BCAT1: variants seen among roughly 807,000 people sequenced by gnomAD.
BCAT1 encodes branched-chain-amino-acid aminotransferase, cytosolic.
A neutral mutation model predicts 52.4 loss-of-function variants in BCAT1; 48 were observed. The ratio of observed to expected loss-of-function variants is 0.92; its 90% CI spans 0.73 to 1.16. BCAT1 has a LOEUF of 1.16. Ranked by LOEUF, BCAT1 falls within the 50% of genes most tolerant of loss-of-function variation. The pLI, the probability that BCAT1 is intolerant of heterozygous loss-of-function variation, is 0.00. For missense variants in BCAT1, 451 were observed against 457.1 expected (o/e 0.99, Z 0.12); for synonymous variants, 167 against 161.3 (o/e 1.04, Z -0.27).
At chr12:24,872,321 G>C (rs1942203685) in intron 5 of BCAT1, among the ~76,000 whole-genome samples, 1 of 152,192 alleles carries the variant, frequency 6.6e-6, no homozygotes, top group Admixed American at 6.5e-5. Flanking sequence ...TGAATCATTT[G>C]AGACAGACAA....
intron 5 of BCAT1, among the ~76,000 whole-genome samples, chr12:24,855,524 G>A (rs1375337389): frequency 6.6e-6 from 1 of 152,092 alleles, no homozygotes; most frequent in Non-Finnish European, 1.5e-5. Context: ...GGGATTACAG[G>A]CGTGCACCAC....
intron 1 of BCAT1, chr12:24,902,214 C>T (rs1203736792): frequency 7.0e-6 from 10 of 1,422,070 alleles, no homozygotes; most frequent in Non-Finnish European, 9.1e-6. Flanking sequence ...CCCTTATATC[C>T]GAGCAAATAG....
chr12:24,940,603 GTTA>G (rs1943834002), intron 1 of BCAT1, among the ~76,000 whole-genome samples: 2 of 152,156 alleles, frequency 1.3e-5, no homozygotes, highest in Admixed American at 1.3e-4. Flanking sequence ...TATGATTAAT[GTTA>G]TATGATTTCT....
Position 24,901,871 on chromosome 12 carries a change from T to A in BCAT1, c.21A>T (p.Gly7=), listed in dbSNP as rs1943113132. 6.2e-7 allele frequency: 1 copy of A among 1,614,020 alleles called. No individual in the cohort carries two copies. The highest frequency in any genetic ancestry group is 8.5e-7 in the Non-Finnish European group (1 of 1,179,898). Residue 7 remains glycine (G), a synonymous_variant, in exon 2 of 11, where the codon GGA becomes GGT. Coordinates refer to ENST00000261192, the MANE Select transcript of BCAT1 (RefSeq NM_005504.7). MKDCSN[G]CSAECTGEGG... ...CTTCTCCGGTACACTCTGCGGAGCA[T>A]CCGTTACTGCAATCCTTAAAGAAGA...
intron 3 of BCAT1, among the ~76,000 whole-genome samples, chr12:24,885,721 T>C (rs1464391852): frequency 1.3e-5 from 2 of 152,016 alleles, no homozygotes; most frequent in Admixed American, 6.6e-5. Flanking sequence ...TGAACACAAA[T>C]AGAGATCCAG....
intron 1 of BCAT1, among the ~76,000 whole-genome samples, chr12:24,930,998 G>A (rs907273746): frequency 2.0e-5 from 3 of 149,192 alleles, no homozygotes; most frequent in Non-Finnish European, 4.4e-5. Flanking sequence ...CACCTCCCAG[G>A]TTCTGGTGAT....
At position 24,813,043 on chromosome 12, in the gene BCAT1, GTTC is replaced by G. The variant is rs1431725769; in HGVS notation, c.*4962_*4964del. 3.3e-5 allele frequency: 5 copies of G among 152,086 alleles called. No homozygotes were observed. The South Asian group carries it at 6.2e-4, about 19-fold the overall frequency. 9.4% of individuals were successfully genotyped at this position (152,086 alleles called of 1,614,324 possible). A position where few individuals can be genotyped will look rare whatever the true frequency, so the allele number is the denominator to read the frequency against. On this transcript the variant is annotated 3_prime_UTR_variant, in exon 11 of 11. Coordinates refer to ENST00000261192, the MANE Select transcript of BCAT1 (RefSeq NM_005504.7). ...AGATTTGAAAGGGCACTTCAAATTT[GTTC>G]TTCTTTTTCTCCCCCATCACCCCCA...
At chr12:24,853,167 G>A (rs12319312) in intron 5 of BCAT1, among the ~76,000 whole-genome samples, 1,523 of 152,186 alleles carry the variant, frequency 0.01, 27 homozygotes, top group African/African-American at 0.034. Context: ...TCACAGCCCT[G>A]TCCACAACAA....
chr12:24,844,508 G>A (rs1449720803), intron 6 of BCAT1, among the ~76,000 whole-genome samples: 1 of 152,132 alleles, frequency 6.6e-6, no homozygotes, highest in African/African-American at 2.4e-5. Context: ...TTGACTAATA[G>A]CTGAAATATT....
At chr12:24,883,149 G>A (rs1321067272) in intron 3 of BCAT1, among the ~76,000 whole-genome samples, 1 of 152,028 alleles carries the variant, frequency 6.6e-6, no homozygotes, top group Non-Finnish European at 1.5e-5. Flanking sequence ...AGCCAGGCAT[G>A]GTAGCATGTG....
intron 1 of BCAT1, among the ~76,000 whole-genome samples, chr12:24,947,845 G>C (rs1943955024): frequency 6.6e-6 from 1 of 152,216 alleles, no homozygotes; most frequent in South Asian, 2.1e-4. Context: ...AAACAAGCAT[G>C]AGGAAGCCAG....
intron 3 of BCAT1, among the ~76,000 whole-genome samples, chr12:24,883,183 G>A (rs1425820424): frequency 1.3e-5 from 2 of 152,176 alleles, no homozygotes; most frequent in African/African-American, 2.4e-5. Flanking sequence ...CTACTTGGGA[G>A]GCTGAGCCAG....
chr12:24,870,004 ATG>A (rs539712345), intron 5 of BCAT1, among the ~76,000 whole-genome samples: 24 of 141,162 alleles, frequency 1.7e-4, no homozygotes, highest in East Asian at 2.1e-4. Context: ...GTGTGTATAT[ATG>A]TGTGTGTGTG....
At chr12:24,839,574 T>C (rs1591795322) in intron 7 of BCAT1, among the ~76,000 whole-genome samples, 1 of 152,318 alleles carries the variant, frequency 6.6e-6, no homozygotes, top group South Asian at 2.1e-4. Context: ...ATGGGTGCTG[T>C]TACTGAAATC....
intron 2 of BCAT1, among the ~76,000 whole-genome samples, chr12:24,898,478 T>C (rs1408662365): frequency 6.8e-6 from 1 of 146,158 alleles, no homozygotes; most frequent in African/African-American, 2.5e-5. Flanking sequence ...GTAAATTTGT[T>C]GAAAGCACCT....
intron 3 of BCAT1, among the ~76,000 whole-genome samples, chr12:24,890,218 G>C (rs1053935726): frequency 6.6e-6 from 1 of 152,174 alleles, no homozygotes; most frequent in African/African-American, 2.4e-5. Flanking sequence ...CTTGTGACTT[G>C]TGTCTGGGCC....
intron 2 of BCAT1, among the ~76,000 whole-genome samples, chr12:24,894,778 C>T (rs1942922812): frequency 6.6e-6 from 1 of 152,164 alleles, no homozygotes; most frequent in Non-Finnish European, 1.5e-5. Context: ...CCCTTTTTCA[C>T]TCTCACCATA....
intron 1 of BCAT1, among the ~76,000 whole-genome samples, chr12:24,915,394 G>T (rs1192373330): frequency 1.3e-5 from 2 of 151,920 alleles, no homozygotes; most frequent in Non-Finnish European, 2.9e-5. Flanking sequence ...AGATTAAAAA[G>T]GTTATTTTTA....
intron 1 of BCAT1, among the ~76,000 whole-genome samples, chr12:24,928,761 G>A (rs1050248244): frequency 2.0e-5 from 3 of 149,712 alleles, no homozygotes; most frequent in Non-Finnish European, 4.4e-5. Flanking sequence ...TTGAGATGGA[G>A]TTTCATTCTT....
Sources: gnomAD v4.1 joint callset for allele counts (sites outside exome capture counted in the v4.1 genomes callset) on GRCh38, gnomAD v4.1.1 for gene constraint, MANE v1.5 for transcripts, NCBI Gene and HGNC (gene_info 2026-07-23, HGNC 2026-07-21) for gene names.